OR2L13: variants seen among roughly 807,000 people sequenced by gnomAD.
OR2L13 encodes olfactory receptor family 2 subfamily L member 13.
Under a neutral mutation model 15.3 loss-of-function variants are expected in OR2L13, and 14 were observed. The observed-to-expected ratio is 0.91, with a 90% CI of 0.60 to 1.43. The LOEUF is 1.43. Ranked by LOEUF, OR2L13 falls within the 40% of genes most tolerant of loss-of-function variation. The probability of loss-of-function intolerance (pLI) is 0.00; values close to 1 mark genes in which losing one functional copy is unlikely to be tolerated. For synonymous variants in OR2L13, 152 were observed against 142.9 expected, an observed-to-expected ratio of 1.06 and a Z score of -0.45; for missense variants, 367 against 387.9, an observed-to-expected ratio of 0.95 and a Z score of 0.45.
At chr1:247,975,371 A>G in the OR2L13 span, 186 of 609,904 alleles carry the variant, frequency 3.0e-4, no homozygotes, top group Non-Finnish European at 4.9e-4. Flanking sequence ...GCATGTTCCT[A>G]TGGTGAGGTT....
chr1:248,005,499 C>T, the OR2L13 span, among the ~76,000 whole-genome samples: 1 of 152,152 alleles, frequency 6.6e-6, no homozygotes, highest in South Asian at 2.1e-4. Context: ...CAGGTTTGTT[C>T]TTTTTGTTCA....
At chr1:248,031,776 T>C in the OR2L13 span, among the ~76,000 whole-genome samples, 1 of 152,144 alleles carries the variant, frequency 6.6e-6, no homozygotes, top group African/African-American at 2.4e-5. Flanking sequence ...TTTGCATTCC[T>C]AAACAGTTAA....
the OR2L13 span, among the ~76,000 whole-genome samples, chr1:248,029,808 C>T: frequency 1.1e-4 from 17 of 152,242 alleles, no homozygotes; most frequent in South Asian, 1.4e-3. Context: ...TTTAGAAACA[C>T]GAAAACATTG....
the OR2L13 span, among the ~76,000 whole-genome samples, chr1:247,987,047 A>AT: frequency 4.0e-5 from 6 of 151,748 alleles, no homozygotes; most frequent in African/African-American, 1.2e-4. Flanking sequence ...TAAGTGTTTC[A>AT]TTTTTTTTGA....
At chr1:248,071,055 GA>G in the OR2L13 span, among the ~76,000 whole-genome samples, 1 of 152,054 alleles carries the variant, frequency 6.6e-6, no homozygotes, top group South Asian at 2.1e-4. Flanking sequence ...GTACAAGGAG[GA>G]ACTGGTACCA....
the OR2L13 span, among the ~76,000 whole-genome samples, chr1:247,963,412 C>T: frequency 6.6e-6 from 1 of 152,128 alleles, no homozygotes; most frequent in African/African-American, 2.4e-5. Context: ...CTTTCATTGC[C>T]ATGATGGTTT....
At chr1:248,004,496 T>A in the OR2L13 span, among the ~76,000 whole-genome samples, 1 of 152,216 alleles carries the variant, frequency 6.6e-6, no homozygotes, top group African/African-American at 2.4e-5. Context: ...AACTGTAAAA[T>A]GTCTTTCTTA....
the OR2L13 span, among the ~76,000 whole-genome samples, chr1:247,948,084 G>A: frequency 1.5e-3 from 229 of 152,148 alleles, 1 homozygote; most frequent in Middle Eastern, 0.017. Flanking sequence ...ATTGTGGCAC[G>A]TGGCTGTAGT....
At chr1:248,021,287 AT>A in the OR2L13 span, among the ~76,000 whole-genome samples, 3 of 152,132 alleles carry the variant, frequency 2.0e-5, no homozygotes, top group Middle Eastern at 3.4e-3. Flanking sequence ...AGAGAATACG[AT>A]TTTTTTTCTA....
the OR2L13 span, among the ~76,000 whole-genome samples, chr1:247,967,090 A>G: frequency 8.0e-6 from 1 of 125,432 alleles, no homozygotes; most frequent in African/African-American, 2.7e-5. Flanking sequence ...GGGGCCACCC[A>G]GGCACTTCTG....
chr1:247,996,467 C>G, the OR2L13 span, among the ~76,000 whole-genome samples: 1 of 152,166 alleles, frequency 6.6e-6, no homozygotes, highest in Non-Finnish European at 1.5e-5. Context: ...CACTCTTTTT[C>G]TAAACTCTTC....
At chr1:247,940,753 T>TGTGC in the OR2L13 span, among the ~76,000 whole-genome samples, 3 of 150,298 alleles carry the variant, frequency 2.0e-5, no homozygotes, top group African/African-American at 7.3e-5. Flanking sequence ...TGTGTGTGTG[T>TGTGC]GTGCGCGCGC....
At chr1:248,045,248 T>C in the OR2L13 span, among the ~76,000 whole-genome samples, 1 of 152,320 alleles carries the variant, frequency 6.6e-6, no homozygotes, top group South Asian at 2.1e-4. Context: ...TTATTTACGT[T>C]CCTCATTCTA....
At chr1:247,994,564 T>A in the OR2L13 span, among the ~76,000 whole-genome samples, 1 of 151,912 alleles carries the variant, frequency 6.6e-6, no homozygotes, top group Non-Finnish European at 1.5e-5. Flanking sequence ...TAAAAATAAG[T>A]GGAATAGATA....
the OR2L13 span, among the ~76,000 whole-genome samples, chr1:248,086,300 A>C: frequency 6.6e-6 from 1 of 152,176 alleles, no homozygotes; most frequent in Admixed American, 6.6e-5. Context: ...CTGAGTGGTT[A>C]TACTTTTTCA....
chr1:248,079,598 C>T, the OR2L13 span, among the ~76,000 whole-genome samples: 13 of 151,940 alleles, frequency 8.6e-5, no homozygotes, highest in Admixed American at 2.6e-4. Context: ...GGTATCTGTT[C>T]GGTAATAGAA....
the OR2L13 span, chr1:248,039,314 T>A: frequency 1.9e-6 from 2 of 1,029,282 alleles, no homozygotes; most frequent in Non-Finnish European, 2.8e-6. Context: ...CAGAAGTTAA[T>A]CTAGAAGAAA....
At chr1:248,038,552 A>C in the OR2L13 span, 1 of 1,614,132 alleles carries the variant, frequency 6.2e-7, no homozygotes. Context: ...CCTTCACTGG[A>C]TGTGGGATTC....
At chr1:248,058,810 T>TGC in the OR2L13 span, among the ~76,000 whole-genome samples, 2 of 152,104 alleles carry the variant, frequency 1.3e-5, no homozygotes. Context: ...GCACATATTG[T>TGC]TCCTCCAATA....
Sources: gnomAD v4.1 joint callset for allele counts (sites outside exome capture counted in the v4.1 genomes callset) on GRCh38, gnomAD v4.1.1 for gene constraint, MANE v1.5 for transcripts, NCBI Gene and HGNC (gene_info 2026-07-23, HGNC 2026-07-21) for gene names.